Variants in ERC1 observed in about 807,000 individuals in gnomAD.
ERC1 encodes RAB6 interacting protein 2.
ERC1 carries 56 observed loss-of-function variants against 132.0 expected under a neutral mutation model. The observed-to-expected ratio is 0.42, with a 90% CI of 0.34 to 0.53. ERC1 has a LOEUF of 0.53. ERC1 is among the 20% of genes least tolerant of loss of function. The pLI is 0.03. For synonymous variants in ERC1, 478 were observed against 476.1 expected (o/e 1.00, Z -0.05); for missense variants, 1,202 against 1,349.9 (o/e 0.89, Z 1.72).
intron 18 of ERC1, among the ~76,000 whole-genome samples, chr12:1,479,463 A>G (rs1219709457): frequency 6.6e-6 from 1 of 152,166 alleles, no homozygotes; most frequent in Non-Finnish European, 1.5e-5. Flanking sequence ...TTATGGTTTC[A>G]ATATAGAGGC....
Position 995,865 on chromosome 12 carries a change from G to A in ERC1, c.-157+4543G>A, listed in dbSNP as rs1340509447. ...AGAGTGATAAGAAATCATTGAGTTA[G>A]GAGGGAAACCAGGGGAGTATGATAT... On this transcript the variant is annotated intron_variant, in intron 1 of 18. Coordinates refer to ENST00000360905, the MANE Select transcript of ERC1 (RefSeq NM_178040.4). Among the ~76,000 whole-genome samples, 4 of 152,132 alleles carry A rather than the reference G, an allele frequency of 2.6e-5. No homozygotes were observed. In the South Asian group the frequency reaches 6.2e-4, roughly 24 times the overall value.
At chr12:1,363,497 ATTGGGATAACTTCTCT>A (rs1406375530) in intron 15 of ERC1, among the ~76,000 whole-genome samples, 1 of 143,780 alleles carries the variant, frequency 7.0e-6, no homozygotes, top group Non-Finnish European at 1.5e-5. Context: ...GTCAGTCCAT[ATTGGGATAACTTCTCT>A]ACCCATTCCC....
intron 18 of ERC1, among the ~76,000 whole-genome samples, chr12:1,484,920 G>A (rs2094179092): frequency 6.6e-6 from 1 of 151,022 alleles, no homozygotes; most frequent in Admixed American, 6.6e-5. Flanking sequence ...TCGCTGTGTT[G>A]CGCAGGCTAG....
At chr12:1,004,840 GTGTGTGTGTA>G (rs1177873108) in intron 1 of ERC1, among the ~76,000 whole-genome samples, 3 of 83,238 alleles carry the variant, frequency 3.6e-5, no homozygotes, top group African/African-American at 1.5e-4. Context: ...GTGTGTGTGT[GTGTGTGTGTA>G]TAAATTTTTT....
chr12:1,341,041 T>G (rs951647015), intron 15 of ERC1, among the ~76,000 whole-genome samples: 1 of 150,738 alleles, frequency 6.6e-6, no homozygotes, highest in Non-Finnish European at 1.5e-5. Context: ...CTATTTTTCC[T>G]TGAATGTCCA....
intron 8 of ERC1, among the ~76,000 whole-genome samples, chr12:1,169,264 A>C (rs1490167278): frequency 6.6e-6 from 1 of 152,208 alleles, no homozygotes; most frequent in East Asian, 1.9e-4. Flanking sequence ...GATCGCTGGA[A>C]GTGTTATCAA....
intron 1 of ERC1, among the ~76,000 whole-genome samples, chr12:994,358 A>C (rs1038928860): frequency 1.3e-5 from 2 of 152,088 alleles, no homozygotes; most frequent in Non-Finnish European, 2.9e-5. Flanking sequence ...TGTGGAATGT[A>C]ATTGAAATCT....
intron 14 of ERC1, among the ~76,000 whole-genome samples, chr12:1,281,423 C>G (rs953828629): frequency 1.3e-5 from 2 of 152,256 alleles, no homozygotes; most frequent in South Asian, 4.1e-4. Flanking sequence ...TATTTCATTT[C>G]CTAAATTAGA....
chr12:1,476,439 A>C (rs1235223968), intron 18 of ERC1, among the ~76,000 whole-genome samples: 1 of 152,178 alleles, frequency 6.6e-6, no homozygotes, highest in African/African-American at 2.4e-5. Context: ...AAAAAAAAGA[A>C]AGAAAAAACT....
intron 16 of ERC1, among the ~76,000 whole-genome samples, chr12:1,378,707 G>A (rs1282295467): frequency 6.6e-6 from 1 of 152,218 alleles, no homozygotes; most frequent in African/African-American, 2.4e-5. Flanking sequence ...TTCTACAGCA[G>A]TCCTCCCTTC....
rs1361068175 is a variant in ERC1 at position 1,491,361 on chromosome 12, G to GT, written c.*1136dup. The GT allele has an allele frequency of 4.3e-6, 1 of 230,996 alleles. No homozygotes were observed. Among genetic ancestry groups the GT allele is most frequent in the South Asian group, 1.8e-4 (1 of 5,508 alleles). The allele number at this position is 230,996 out of a possible 1,614,324, so 14.3% of individuals were successfully genotyped here. A position where few individuals can be genotyped will look rare whatever the true frequency, so the allele number is the denominator to read the frequency against. ...GAACCTTCTTCTAGCATAAATGAAG[G>GT]TTTTTCCTCCTACACACATTCCTTC... On this transcript the variant is annotated 3_prime_UTR_variant, in exon 19 of 19. Coordinates refer to ENST00000360905, the MANE Select transcript of ERC1 (RefSeq NM_178040.4).
chr12:1,122,469 A>G (rs1308885797), intron 7 of ERC1, among the ~76,000 whole-genome samples: 1 of 38,308 alleles, frequency 2.6e-5, no homozygotes, highest in African/African-American at 1.5e-4. Flanking sequence ...CTCTATCTCT[A>G]TCTGTGTCTC....
intron 16 of ERC1, among the ~76,000 whole-genome samples, chr12:1,377,440 C>T (rs555421040): frequency 1.3e-5 from 2 of 152,338 alleles, no homozygotes; most frequent in East Asian, 1.9e-4. Context: ...TTTCACACTT[C>T]CCCATCCCTA....
At chr12:1,048,681 G>T (rs1971450459) in intron 2 of ERC1, among the ~76,000 whole-genome samples, 1 of 152,084 alleles carries the variant, frequency 6.6e-6, no homozygotes, top group African/African-American at 2.4e-5. Context: ...CCTTAATGTT[G>T]TATTATAAAA....
chr12:1,191,922 A>G (rs1210656583), intron 12 of ERC1, among the ~76,000 whole-genome samples: 1 of 152,196 alleles, frequency 6.6e-6, no homozygotes, highest in Admixed American at 6.5e-5. Flanking sequence ...CTACTTGGTA[A>G]CATAGTTTAA....
At chr12:1,398,037 G>A (rs969245662) in intron 16 of ERC1, among the ~76,000 whole-genome samples, 7 of 152,118 alleles carry the variant, frequency 4.6e-5, no homozygotes, top group South Asian at 2.1e-4. Context: ...AGGCTGGAGC[G>A]CAGGGGCACA....
At chr12:1,003,119 CAAAAA>C (rs34159893) in intron 1 of ERC1, among the ~76,000 whole-genome samples, 3 of 84,808 alleles carry the variant, frequency 3.5e-5, no homozygotes, top group Non-Finnish European at 8.2e-5. Flanking sequence ...AAAAAAGACT[CAAAAA>C]AAAAAAGAGA....
chr12:1,041,478 A>G (rs1427771337), intron 2 of ERC1, among the ~76,000 whole-genome samples: 1 of 152,096 alleles, frequency 6.6e-6, no homozygotes, highest in Admixed American at 6.5e-5. Flanking sequence ...AAGTGCTGGG[A>G]TTACAGGCGT....
chr12:1,010,692 T>G (rs1964542886), intron 1 of ERC1, among the ~76,000 whole-genome samples: 1 of 151,672 alleles, frequency 6.6e-6, no homozygotes, highest in Non-Finnish European at 1.5e-5. Context: ...TTTTTATTAT[T>G]ATTAGAAATG....
Sources: allele counts gnomAD v4.1 joint callset (sites outside exome capture counted in the v4.1 genomes callset), GRCh38; gene constraint gnomAD v4.1.1; transcripts MANE v1.5; gene names NCBI Gene and HGNC (gene_info 2026-07-23, HGNC 2026-07-21).